The following CCDC192 variants were observed in gnomAD, a reference collection of about 807,000 sequenced individuals.
The protein encoded by CCDC192 is coiled-coil domain-containing protein 192.
At chr5:127,852,807 A>G (rs1750859123) in intron 5 of CCDC192, among the ~76,000 whole-genome samples, 1 of 152,150 alleles carries the variant, frequency 6.6e-6, no homozygotes, top group African/African-American at 2.4e-5. Flanking sequence ...AAATGCTGCT[A>G]TCCCTGGCCG....
intron 5 of CCDC192, among the ~76,000 whole-genome samples, chr5:127,840,019 T>G (rs1372819588): frequency 6.6e-6 from 1 of 152,128 alleles, no homozygotes; most frequent in African/African-American, 2.4e-5. Context: ...AATAAACACT[T>G]AACAAATGTG....
At chr5:127,735,596 T>A (rs1187038255) in intron 2 of CCDC192, among the ~76,000 whole-genome samples, 1 of 109,036 alleles carries the variant, frequency 9.2e-6, no homozygotes. Context: ...TATCCTCTTT[T>A]ATTTCCTTGA....
At chr5:127,781,940 T>C (rs1373517879) in intron 3 of CCDC192, among the ~76,000 whole-genome samples, 3 of 152,214 alleles carry the variant, frequency 2.0e-5, no homozygotes, top group Admixed American at 6.5e-5. Flanking sequence ...TGCTTTCAAC[T>C]TTTCACCATT....
chr5:127,852,543 C>T (rs868577451), intron 5 of CCDC192, among the ~76,000 whole-genome samples: 14 of 152,290 alleles, frequency 9.2e-5, no homozygotes, highest in Middle Eastern at 3.4e-3. Flanking sequence ...TCTCACGTTT[C>T]GGGGTCCCAG....
Position 127,735,443 on chromosome 5 carries a change from A to T in CCDC192, c.115-18825A>T, listed in dbSNP as rs1225608506. ...TTTGGTTCCATATGAACTTTAAAGTAGTTTTTTCCAATTCTTTGAAGAAAG... is the reference window on the plus strand; with the variant it reads ...TTTGGTTCCATATGAACTTTAAAGTTGTTTTTTCCAATTCTTTGAAGAAAG... On this transcript the variant is annotated intron_variant, in intron 2 of 6. Transcript: ENST00000514853. 6.7e-4 allele frequency among the ~76,000 whole-genome samples: 98 copies of T among 145,394 alleles called. 8 individuals carry two copies. The highest frequency in any genetic ancestry group is 2.6e-3 in the African/African-American group (96 of 37,174).
intron 3 of CCDC192, among the ~76,000 whole-genome samples, chr5:127,772,100 A>G (rs949335158): frequency 6.6e-6 from 1 of 152,142 alleles, no homozygotes; most frequent in African/African-American, 2.4e-5. Flanking sequence ...AATGCCAGCT[A>G]TCATCTTATA....
intron 6 of CCDC192, among the ~76,000 whole-genome samples, chr5:127,883,993 G>T (rs763391652): frequency 1.3e-5 from 2 of 152,088 alleles, no homozygotes; most frequent in Non-Finnish European, 2.9e-5. Context: ...AAGGGAAAGG[G>T]TCCCTTGGCT....
intron 6 of CCDC192, among the ~76,000 whole-genome samples, chr5:127,937,403 G>A (rs1419281650): frequency 6.6e-6 from 1 of 152,122 alleles, no homozygotes; most frequent in African/African-American, 2.4e-5. Context: ...ATTAGGCTTG[G>A]ATGGGTTCAT....
upstream of CCDC192, among the ~76,000 whole-genome samples, chr5:127,703,238 G>T (rs538945240): frequency 6.6e-6 from 1 of 152,322 alleles, no homozygotes; most frequent in South Asian, 2.1e-4. Flanking sequence ...CTCATGCCTG[G>T]ATCTGATTTG....
At chr5:127,702,384 T>C (rs533058987), upstream of CCDC192, among the ~76,000 whole-genome samples, 13 of 152,324 alleles carry the variant, frequency 8.5e-5, no homozygotes, top group South Asian at 2.7e-3. Flanking sequence ...AACTACCCAT[T>C]TAGTGTTGGC....
chr5:127,925,259 A>T (rs1179183224), intron 6 of CCDC192, among the ~76,000 whole-genome samples: 7 of 152,236 alleles, frequency 4.6e-5, no homozygotes, highest in Non-Finnish European at 1.0e-4. Context: ...AGAATATCAG[A>T]AGATTTCCTA....
Position 127,846,086 on chromosome 5 carries a change from C to T in CCDC192, c.412-29452C>T, listed in dbSNP as rs923023305. ...CAGGTGGATCATGAGGTCAGGAGTT[C>T]GAGACCAGCCTGGCCAACATGGTGA... On this transcript the variant is annotated intron_variant, in intron 5 of 6. Transcript: ENST00000514853. Among the ~76,000 whole-genome samples the T allele has an allele frequency of 3.3e-5, 5 of 151,994 alleles. No homozygotes were observed. The East Asian group carries it at 5.8e-4, about 18-fold the overall frequency.
At chr5:127,898,038 A>G (rs1231123629) in intron 6 of CCDC192, among the ~76,000 whole-genome samples, 1 of 152,072 alleles carries the variant, frequency 6.6e-6, no homozygotes, top group Non-Finnish European at 1.5e-5. Context: ...AAAACTTGCT[A>G]GAGTATATTT....
intron 5 of CCDC192, among the ~76,000 whole-genome samples, chr5:127,825,815 GAAGAAGATATTCCGT>G (rs951016431): frequency 1.3e-4 from 20 of 152,300 alleles, no homozygotes; most frequent in East Asian, 9.6e-4. Flanking sequence ...AAAATTTAAG[GAAGAAGATATTCCGT>G]AAGAAGATAT....
intron 5 of CCDC192, among the ~76,000 whole-genome samples, chr5:127,823,780 C>T (rs1259912984): frequency 6.6e-6 from 1 of 152,218 alleles, no homozygotes; most frequent in Non-Finnish European, 1.5e-5. Context: ...TCCTTAGTGC[C>T]TCTCTACAAT....
chr5:127,797,731 GTATATATATATATATATATATATA>G (rs146458343), intron 4 of CCDC192, among the ~76,000 whole-genome samples: 91 of 21,056 alleles, frequency 4.3e-3, no homozygotes, highest in African/African-American at 0.015. Flanking sequence ...TCATGTGAAG[GTATATATATATATATATATATATA>G]TATATATATA....
intron 3 of CCDC192, among the ~76,000 whole-genome samples, chr5:127,769,459 A>G (rs886406851): frequency 3.3e-5 from 5 of 151,884 alleles, no homozygotes; most frequent in Admixed American, 3.3e-4. Flanking sequence ...GAGTGGTTGT[A>G]CATTTGAAAA....
chr5:127,927,975 C>T (rs905714107), intron 6 of CCDC192, among the ~76,000 whole-genome samples: 2 of 131,804 alleles, frequency 1.5e-5, no homozygotes, highest in African/African-American at 5.8e-5. Context: ...GAGTCTCACT[C>T]TGAGTGAAGT....
rs563071137 is a variant in CCDC192, at chr5:127,843,201, AT to A, written c.412-32327del. ...AGGTGCCCGCCACCATGCCCGGCTA[AT>A]TTTTTTTTTGTATTTTTAGTAGAGA... is the stretch of plus-strand genomic sequence containing the variant. On this transcript the variant is annotated intron_variant, in intron 5 of 6. Transcript: ENST00000514853. 8.8e-4 allele frequency among the ~76,000 whole-genome samples: 129 copies of A among 145,806 alleles called. 1 individual carries two copies. Among genetic ancestry groups the A allele is most frequent in the South Asian group, 2.0e-3 (9 of 4,550 alleles).
Sources: gnomAD v4.1 joint callset for allele counts (sites outside exome capture counted in the v4.1 genomes callset) on GRCh38, gnomAD v4.1.1 for gene constraint, MANE v1.5 for transcripts, NCBI Gene and HGNC (gene_info 2026-07-23, HGNC 2026-07-21) for gene names.